The following GLCCI1 variants were observed in gnomAD, a reference collection of about 807,000 sequenced individuals.
The protein encoded by GLCCI1 is glucocorticoid induced 1, also known as glucocorticoid-induced transcript 1 protein.
GLCCI1 carries 24 observed loss-of-function variants against 52.2 expected under a neutral mutation model. The ratio of observed to expected loss-of-function variants is 0.46; its 90% CI spans 0.33 to 0.65. The LOEUF (loss-of-function observed/expected upper bound fraction) is 0.65, where lower values mean the gene tolerates loss of function less well. GLCCI1 is among the 30% of genes least tolerant of loss of function. The probability of loss-of-function intolerance (pLI) is 0.02; values close to 1 mark genes in which losing one functional copy is unlikely to be tolerated. For missense variants in GLCCI1, 704 were observed against 701.5 expected, an observed-to-expected ratio of 1.00 and a Z score of -0.04; for synonymous variants, 310 against 276.5, an observed-to-expected ratio of 1.12 and a Z score of -1.20.
chr7:8,000,784 A>G (rs536482716), intron 1 of GLCCI1, among the ~76,000 whole-genome samples: 12 of 152,304 alleles, frequency 7.9e-5, no homozygotes, highest in Non-Finnish European at 1.3e-4. Context: ...ACCCTTTACC[A>G]TTATGTAATG....
intron 6 of GLCCI1, among the ~76,000 whole-genome samples, chr7:8,074,801 C>T (rs1417238184): frequency 6.6e-6 from 1 of 152,134 alleles, no homozygotes; most frequent in East Asian, 1.9e-4. Context: ...AGCTTTTCAT[C>T]ATTATGAAAA....
Position 7,988,313 on chromosome 7 carries a change from A to G in GLCCI1, c.458-15595A>G, listed in dbSNP as rs986163123. 2.0e-5 allele frequency among the ~76,000 whole-genome samples: 3 copies of G among 152,092 alleles called. No individual in the cohort carries two copies. In the East Asian group the frequency reaches 5.8e-4, roughly 29 times the overall value. ...GTTTTGTTTTGTTTTGTTTTTTACTATCAGGTGTATTGTTATTAGTAGATA... is the reference window on the plus strand; with the variant it reads ...GTTTTGTTTTGTTTTGTTTTTTACTGTCAGGTGTATTGTTATTAGTAGATA... On this transcript the variant is annotated intron_variant, in intron 1 of 7. Coordinates refer to ENST00000223145, the MANE Select transcript of GLCCI1 (RefSeq NM_138426.4).
At chr7:7,978,275 C>A (rs1468867498) in intron 1 of GLCCI1, among the ~76,000 whole-genome samples, 1 of 152,116 alleles carries the variant, frequency 6.6e-6, no homozygotes, top group South Asian at 2.1e-4. Flanking sequence ...TTTAAAAAAT[C>A]TGCCCATTTG....
chr7:8,043,281 A>G (rs554459721), intron 3 of GLCCI1, among the ~76,000 whole-genome samples: 1 of 152,226 alleles, frequency 6.6e-6, no homozygotes, highest in East Asian at 1.9e-4. Context: ...GTGGTCTGGA[A>G]TCAAACCTGC....
intron 6 of GLCCI1, 66 bp from the exon 7 acceptor site, chr7:8,084,827 CTGTT>C (rs1195219852): frequency 1.3e-5 from 20 of 1,532,560 alleles, no homozygotes; most frequent in Middle Eastern, 1.8e-4. Flanking sequence ...GTGCAAAAGG[CTGTT>C]TGTTTGGAAA....
intron 3 of GLCCI1, among the ~76,000 whole-genome samples, chr7:8,048,124 G>A (rs1782176390): frequency 6.6e-6 from 1 of 152,204 alleles, no homozygotes; most frequent in Admixed American, 6.5e-5. Context: ...TCATAAGAGA[G>A]TTTTACTTTT....
Position 8,087,770 on chromosome 7 carries a change from G to T in GLCCI1, c.*1232G>T, listed in dbSNP as rs1783149142. ...TGACTTACAAGAGCAATAGTTTGAA[G>T]CTATCTCATTTAAGCCTCTCATAAT... On this transcript the variant is annotated 3_prime_UTR_variant, in exon 8 of 8. Transcript: ENST00000223145. 1 of 152,578 alleles carries T rather than the reference G, an allele frequency of 6.6e-6. No homozygotes were observed. The highest frequency in any genetic ancestry group is 2.4e-5 in the African/African-American group (1 of 41,434). The allele number at this position is 152,578 out of a possible 1,614,324, so 9.5% of individuals were successfully genotyped here. A position where few individuals can be genotyped will look rare whatever the true frequency, so the allele number is the denominator to read the frequency against.
intron 6 of GLCCI1, among the ~76,000 whole-genome samples, chr7:8,082,601 T>TA (rs1314300617): frequency 1.3e-5 from 2 of 152,116 alleles, no homozygotes; most frequent in Admixed American, 1.3e-4. Context: ...CATATTCAAT[T>TA]AAAAAAAATT....
chr7:8,073,250 C>G (rs773647910), intron 6 of GLCCI1, among the ~76,000 whole-genome samples: 4 of 152,058 alleles, frequency 2.6e-5, no homozygotes, highest in Non-Finnish European at 5.9e-5. Context: ...AAAATAGTCA[C>G]CTTTATTATC....
intron 3 of GLCCI1, among the ~76,000 whole-genome samples, chr7:8,025,684 G>C (rs1421328406): frequency 6.6e-6 from 1 of 152,040 alleles, no homozygotes; most frequent in Non-Finnish European, 1.5e-5. Context: ...ACCACAACTA[G>C]GAAAACACAA....
Position 7,969,452 on chromosome 7 carries a change from C to A in GLCCI1, c.102C>A (p.Val34=), listed in dbSNP as rs1421172615. 1.9e-5 allele frequency: 22 copies of A among 1,172,814 alleles called. No individual in the cohort carries two copies. The highest frequency in any genetic ancestry group is 1.6e-5 in the African/African-American group (1 of 60,656). The allele number at this position is 1,172,814 out of a possible 1,614,324, so 72.7% of individuals were successfully genotyped here. ...RRSAAGSPPA[V]AAAGSGNGAG... ...GCGCCGCGGGGTCCCCGCCCGCCGTCGCCGCCGCCGGGAGCGGGAACGGTG... is the reference window on the plus strand; with the variant it reads ...GCGCCGCGGGGTCCCCGCCCGCCGTAGCCGCCGCCGGGAGCGGGAACGGTG... The change falls in exon 1 of 8, where the codon GTC becomes GTA. Residue 34 remains valine, a synonymous_variant. Transcript: ENST00000223145. The surrounding 1 kb of genome is among the most constrained non-coding windows in gnomAD (Gnocchi z 4.9).
chr7:7,979,093 G>A (rs922530929), intron 1 of GLCCI1, among the ~76,000 whole-genome samples: 2 of 152,102 alleles, frequency 1.3e-5, no homozygotes, highest in African/African-American at 4.8e-5. Flanking sequence ...AACTAAACTG[G>A]TGTTGGCAAA....
intron 3 of GLCCI1, among the ~76,000 whole-genome samples, chr7:8,029,129 C>G (rs1406942809): frequency 1.3e-5 from 2 of 152,104 alleles, no homozygotes; most frequent in Non-Finnish European, 2.9e-5. Flanking sequence ...GCTACCAAAA[C>G]CAGACAAAGA....
intron 3 of GLCCI1, among the ~76,000 whole-genome samples, chr7:8,030,583 A>AGT (rs1025319491): frequency 5.9e-5 from 9 of 152,276 alleles, no homozygotes; most frequent in African/African-American, 1.7e-4. Flanking sequence ...AACAATCAAC[A>AGT]GTGTGAAGAG....
chr7:8,083,121 TTTTTA>T (rs1418356703), intron 6 of GLCCI1, among the ~76,000 whole-genome samples: 1 of 152,190 alleles, frequency 6.6e-6, no homozygotes, highest in East Asian at 1.9e-4. Context: ...TATTTTTTTA[TTTTTA>T]TTTTAAAAAT....
intron 2 of GLCCI1, among the ~76,000 whole-genome samples, chr7:8,009,526 C>T (rs760264892): frequency 2.6e-5 from 4 of 152,188 alleles, no homozygotes; most frequent in Non-Finnish European, 5.9e-5. Context: ...TAGGATTCTA[C>T]TTCTCTGCCC....
rs1053800508 is a variant in GLCCI1, at chr7:8,025,196, T to A, written c.696+2627T>A. Among the ~76,000 whole-genome samples the A allele has an allele frequency of 2.0e-5, 3 of 152,100 alleles. No homozygotes were observed. The South Asian group carries it at 6.2e-4, about 31-fold the overall frequency. On this transcript the variant is annotated intron_variant, in intron 3 of 7. Coordinates refer to ENST00000223145, the MANE Select transcript of GLCCI1 (RefSeq NM_138426.4). ...ACAGAGTGGGCTCAGGCCACCGATG[T>A]GTTCTTGGCCAGGAGAGCCTAGGAA...
intron 7 of GLCCI1, 141 bp downstream of exon 7, chr7:8,085,158 G>T: frequency 1.1e-6 from 1 of 895,766 alleles, no homozygotes; most frequent in Non-Finnish European, 1.7e-6. Flanking sequence ...GAATTGAATA[G>T]GCAAGAGAGA....
chr7:7,998,167 GT>G (rs1431644148), intron 1 of GLCCI1, among the ~76,000 whole-genome samples: 5 of 72,954 alleles, frequency 6.9e-5, no homozygotes, highest in African/African-American at 2.4e-4. Context: ...TGAGGAGGTA[GT>G]TTTTTTTGTT....
Sources: allele counts gnomAD v4.1 joint callset (sites outside exome capture counted in the v4.1 genomes callset), GRCh38; gene constraint gnomAD v4.1.1; non-coding constraint Gnocchi (gnomAD v3.1); transcripts MANE v1.5; gene names NCBI Gene and HGNC (gene_info 2026-07-23, HGNC 2026-07-21).